PXMP4: variants seen among roughly 807,000 people sequenced by gnomAD.
The protein encoded by PXMP4 is peroxisomal membrane protein 4, also known as 24 kDa peroxisomal intrinsic membrane protein.
PXMP4 carries 16 observed loss-of-function variants against 21.6 expected under a neutral mutation model. The ratio of observed to expected loss-of-function variants is 0.74; its 90% CI spans 0.50 to 1.13. The LOEUF (loss-of-function observed/expected upper bound fraction) is 1.13, where lower values mean the gene tolerates loss of function less well. Among genes scored for constraint, PXMP4 ranks in the 50% most tolerant of loss-of-function variants. The pLI is 0.00. For missense variants in PXMP4, 240 were observed against 277.7 expected (o/e 0.86, Z 0.96); for synonymous variants, 127 against 123.8 (o/e 1.03, Z -0.17).
intron 2 of PXMP4, among the ~76,000 whole-genome samples, chr20:33,711,878 T>C (rs2018330207): frequency 6.6e-6 from 1 of 151,638 alleles, no homozygotes; most frequent in African/African-American, 2.4e-5. Context: ...GTGTAGTTCC[T>C]GCTACTTGGG....
intron 2 of PXMP4, 136 bp downstream of exon 2, chr20:33,714,538 A>AACG (rs1304131517): frequency 5.3e-6 from 5 of 936,248 alleles, no homozygotes; most frequent in South Asian, 4.3e-5. Flanking sequence ...CAACAACAAC[A>AACG]ACAAAACACA....
chr20:33,717,656 AAATT>A (rs1328592955), intron 1 of PXMP4, among the ~76,000 whole-genome samples: 1 of 148,764 alleles, frequency 6.7e-6, no homozygotes, highest in African/African-American at 2.5e-5. Context: ...AAAAAAAAAA[AAATT>A]ATTAAATATT....
At chr20:33,708,048 T>C in intron 3 of PXMP4, 79 bp from the exon 4 acceptor site, 1 of 1,459,578 alleles carries the variant, frequency 6.9e-7, no homozygotes, top group South Asian at 1.4e-5. Flanking sequence ...ATAATTTGTT[T>C]CATTTCTCTT....
Position 33,707,546 on chromosome 20 carries a change from C to A in PXMP4, c.*160G>T. 9.5e-7 allele frequency: 1 copy of A among 1,053,386 alleles called. No individual in the cohort carries two copies. The highest frequency in any genetic ancestry group is 1.3e-6 in the Non-Finnish European group (1 of 743,428). The allele number at this position is 1,053,386 out of a possible 1,614,324, so 65.3% of individuals were successfully genotyped here. A position where few individuals can be genotyped will look rare whatever the true frequency, so the allele number is the denominator to read the frequency against. Reference sequence around the variant, plus strand: ...CCACTTGTGCCACCATACAAAGGTACCCACTGGGATTTTAAAATCAGTGTT... The same window carrying A: ...CCACTTGTGCCACCATACAAAGGTAACCACTGGGATTTTAAAATCAGTGTT... On this transcript the variant is annotated 3_prime_UTR_variant, in exon 4 of 4. Coordinates refer to ENST00000409299, the MANE Select transcript of PXMP4 (RefSeq NM_007238.5).
At chr20:33,718,831 AC>A (rs1254530796) in intron 1 of PXMP4, among the ~76,000 whole-genome samples, 1 of 152,240 alleles carries the variant, frequency 6.6e-6, no homozygotes, top group Non-Finnish European at 1.5e-5. Context: ...TTCAGAAACT[AC>A]TAAATACCAG....
chr20:33,714,617 C>T (rs930972686), intron 2 of PXMP4, 57 bp downstream of exon 2: 39 of 1,540,510 alleles, frequency 2.5e-5, no homozygotes, highest in South Asian at 8.9e-5. Context: ...GAAGCTATTA[C>T]GACTGTCCTG....
chr20:33,709,220 G>A (rs1226103590), intron 3 of PXMP4, among the ~76,000 whole-genome samples: 1 of 152,142 alleles, frequency 6.6e-6, no homozygotes, highest in Non-Finnish European at 1.5e-5. Context: ...CTTGAACCTG[G>A]GAAGTGGAGG....
chr20:33,720,015 G>T (rs1174587745), intron 1 of PXMP4, 80 bp downstream of exon 1: 9 of 1,328,474 alleles, frequency 6.8e-6, no homozygotes, highest in Non-Finnish European at 7.5e-6. Context: ...ACAGCACCGC[G>T]GCATCGGACT....
At chr20:33,710,494 AC>A in intron 3 of PXMP4, 60 bp downstream of exon 3, 2 of 299,632 alleles carry the variant, frequency 6.7e-6, no homozygotes, top group Admixed American at 7.3e-5. Context: ...CCCTTCTGTC[AC>A]CCCCACCTCT....
intron 1 of PXMP4, 118 bp downstream of exon 1, chr20:33,719,977 G>C (rs2018430136): frequency 2.1e-6 from 2 of 957,374 alleles, no homozygotes; most frequent in Non-Finnish European, 3.1e-6. Flanking sequence ...CCGAGACTTA[G>C]AGACACACGA....
At chr20:33,710,387 C>A (rs555236748) in intron 3 of PXMP4, among the ~76,000 whole-genome samples, 168 bp downstream of exon 3, 1 of 144,244 alleles carries the variant, frequency 6.9e-6, no homozygotes, top group South Asian at 2.3e-4. Context: ...TCTTCCCCAA[C>A]CCCCTCCTCT....
At position 33,710,699 on chromosome 20, in the gene PXMP4, G is replaced by C. The variant is rs547433226; in HGVS notation, c.231C>G (p.Asn77Lys). Residue 77 changes from asparagine (N) to lysine (K), a missense_variant, in exon 3 of 4, where the codon AAC (asparagine) becomes AAG (lysine). Coordinates refer to ENST00000409299, the MANE Select transcript of PXMP4 (RefSeq NM_007238.5). ...TGTAGGTGAACACAAACCGTGCCAG[G>C]TTCCAGGAGTGGATATATGTGGCCT... ...ILQATYIHSW[N>K]LARFVFTYKG... The C allele has an allele frequency of 6.2e-7, 1 of 1,613,800 alleles. No individual in the cohort carries two copies. Among genetic ancestry groups the C allele is most frequent in the African/African-American group, 1.3e-5 (1 of 74,984 alleles).
At chr20:33,718,569 C>T (rs12481237) in intron 1 of PXMP4, among the ~76,000 whole-genome samples, 3,298 of 145,620 alleles carry the variant, frequency 0.023, 271 homozygotes, top group East Asian at 0.17. Flanking sequence ...GATGTTATCT[C>T]AGGGCACATC....
rs2018221750 is a variant in PXMP4, at chr20:33,703,128, A to G, written c.*4578T>C. 1 of 152,236 alleles carries G rather than the reference A, an allele frequency of 6.6e-6. No individual in the cohort carries two copies. Among genetic ancestry groups the G allele is most frequent in the Non-Finnish European group, 1.5e-5 (1 of 68,044 alleles). 9.4% of individuals were successfully genotyped at this position (152,236 alleles called of 1,614,324 possible). On this transcript the variant is annotated 3_prime_UTR_variant, in exon 4 of 4. Coordinates refer to ENST00000409299, the MANE Select transcript of PXMP4 (RefSeq NM_007238.5). ...TTCTTAGAGAGCAGAGACAGTCGGT[A>G]GCGGAGTTGGCCAACCCCCAGCAGC...
At position 33,720,092 on chromosome 20, in the gene PXMP4, C is replaced by T; in HGVS notation, c.113+3G>A. On this transcript the variant is annotated splice_donor_region_variant and intron_variant, in intron 1 of 3. Coordinates refer to ENST00000409299, the MANE Select transcript of PXMP4 (RefSeq NM_007238.5). Reference sequence around the variant, plus strand: ...CCCAGCCCGGCCCGACGGCCCCACTCACACAGCCCCGTTCCGGAAGCCCTT... The same window carrying T: ...CCCAGCCCGGCCCGACGGCCCCACTTACACAGCCCCGTTCCGGAAGCCCTT... 1 of 1,613,302 alleles carries T rather than the reference C, an allele frequency of 6.2e-7. No homozygotes were observed. The highest frequency in any genetic ancestry group is 8.5e-7 in the Non-Finnish European group (1 of 1,179,566).
chr20:33,711,711 G>A (rs893729229), intron 2 of PXMP4, among the ~76,000 whole-genome samples: 1 of 151,966 alleles, frequency 6.6e-6, no homozygotes, highest in African/African-American at 2.4e-5. Context: ...TTACTAGGAG[G>A]CCAGACACAG....
chr20:33,710,895 T>A (rs2018319658), intron 2 of PXMP4, 142 bp from the exon 3 acceptor site: 1 of 805,120 alleles, frequency 1.2e-6, no homozygotes, highest in Non-Finnish European at 1.9e-6. Flanking sequence ...TCATGTTCTC[T>A]CCCTTGATTC....
At chr20:33,718,932 G>C (rs536412120) in intron 1 of PXMP4, among the ~76,000 whole-genome samples, 79 of 152,254 alleles carry the variant, frequency 5.2e-4, no homozygotes, top group African/African-American at 1.4e-3. Context: ...GTTTCACTCT[G>C]TCACCCAGGC....
At chr20:33,714,887 G>C in intron 1 of PXMP4, 151 bp from the exon 2 acceptor site, 1 of 761,230 alleles carries the variant, frequency 1.3e-6, no homozygotes, top group Non-Finnish European at 2.3e-6. Flanking sequence ...TCCTGGCTCT[G>C]ATACTTCCTG....
Sources: allele counts gnomAD v4.1 joint callset (sites outside exome capture counted in the v4.1 genomes callset), GRCh38; gene constraint gnomAD v4.1.1; transcripts MANE v1.5; gene names NCBI Gene and HGNC (gene_info 2026-07-23, HGNC 2026-07-21).